Variants in LIMCH1 observed in about 807,000 individuals in gnomAD.
The protein encoded by LIMCH1 is LIM and calponin homology domains-containing protein 1.
Under a neutral mutation model 176.5 loss-of-function variants are expected in LIMCH1, and 113 were observed. That is an observed-to-expected ratio of 0.64 (90% CI 0.55 to 0.75). The LOEUF is 0.75. LIMCH1 is among the 30% of genes least tolerant of loss of function. The pLI, the probability that LIMCH1 is intolerant of heterozygous loss-of-function variation, is 0.00. For synonymous variants in LIMCH1, 619 were observed against 645.9 expected (o/e 0.96, Z 0.63); for missense variants, 1,674 against 1,814.9 (o/e 0.92, Z 1.41).
At chr4:41,515,933 C>T (rs994273346) in intron 2 of LIMCH1, among the ~76,000 whole-genome samples, 2 of 152,168 alleles carry the variant, frequency 1.3e-5, no homozygotes, top group African/African-American at 4.8e-5. Flanking sequence ...GATAGCAAAC[C>T]CAGCAATAAC....
At chr4:41,606,456 T>G (rs1475321838) in intron 4 of LIMCH1, among the ~76,000 whole-genome samples, 1 of 152,232 alleles carries the variant, frequency 6.6e-6, no homozygotes, top group East Asian at 1.9e-4. Flanking sequence ...TACCTTGGCA[T>G]ACGCTCTGGA....
chr4:41,584,175 C>A (rs2086034071), intron 1 of LIMCH1, among the ~76,000 whole-genome samples: 1 of 152,158 alleles, frequency 6.6e-6, no homozygotes, highest in South Asian at 2.1e-4. Flanking sequence ...TAACCTGCAG[C>A]CCTATAGAGA....
chr4:41,646,786 G>A lies in LIMCH1; in HGVS notation c.2713G>A (p.Gly905Ser). 1.2e-6 allele frequency: 2 copies of A among 1,614,158 alleles called. No individual in the cohort carries two copies. The highest frequency in any genetic ancestry group is 1.7e-6 in the Non-Finnish European group (2 of 1,180,030). ...TGTTCTGGATACCAGCATGTCAGCA[G>A]GCAGTGGGTCTCCAAGCAAAACTGT... Reference protein sequence around the residue: ...ASVLDTSMSAGSGSPSKTVTP... With the variant: ...ASVLDTSMSASSGSPSKTVTP... Residue 905 changes from glycine (G) to serine (S), a missense_variant, in exon 17 of 32, where the codon GGC becomes AGC. Physicochemically the swap from Gly to Ser is moderately conservative, Grantham distance 56. This residue lies in a region of LIMCH1 where 1,015 missense variants were observed against 1,102.5 expected (regional missense o/e 0.92). Coordinates refer to ENST00000503057, the MANE Select transcript of LIMCH1 (RefSeq NM_001330672.2).
intron 1 of LIMCH1, among the ~76,000 whole-genome samples, chr4:41,585,795 T>C (rs2086337550): frequency 6.6e-6 from 1 of 152,202 alleles, no homozygotes; most frequent in Non-Finnish European, 1.5e-5. Flanking sequence ...TTGTTTAACT[T>C]CCAACTCATC....
rs4610371 is a variant in LIMCH1, at chr4:41,433,619, T to C, written c.97-60917T>C. Among the ~76,000 whole-genome samples the C allele has an allele frequency of 6.3e-3, 958 of 152,224 alleles. 17 individuals are homozygous for C. The highest frequency in any genetic ancestry group is 0.022 in the African/African-American group (912 of 41,512). ...TCATAGCATGGTGGTTTCAGGGTAG[T>C]TGGACTTCCTCAGGTAGCTGGCCTT... On this transcript the variant is annotated intron_variant, in intron 1 of 26. Coordinates refer to the LIMCH1 transcript ENST00000313860.
chr4:41,500,888 G>A (rs1366028930), intron 2 of LIMCH1, among the ~76,000 whole-genome samples: 3 of 152,260 alleles, frequency 2.0e-5, no homozygotes, highest in South Asian at 2.1e-4. Context: ...GGATGGAGGG[G>A]TTTCAGTTTT....
chr4:41,452,148 GT>G (rs2063965703), intron 1 of LIMCH1, among the ~76,000 whole-genome samples: 1 of 152,184 alleles, frequency 6.6e-6, no homozygotes, highest in African/African-American at 2.4e-5. Context: ...GCAAAAGCAT[GT>G]TTTTGCTACT....
chr4:41,455,845 A>C (rs2064525098), intron 1 of LIMCH1, among the ~76,000 whole-genome samples: 1 of 152,212 alleles, frequency 6.6e-6, no homozygotes, highest in African/African-American at 2.4e-5. Flanking sequence ...TGTTAAAGAA[A>C]GACTCTTCGA....
intron 1 of LIMCH1, among the ~76,000 whole-genome samples, chr4:41,391,349 A>G (rs1237063236): frequency 6.6e-6 from 1 of 152,138 alleles, no homozygotes; most frequent in East Asian, 1.9e-4. Flanking sequence ...GATTTTATAT[A>G]CCTTCTATTT....
At chr4:41,661,843 C>T (rs2094634310) in intron 19 of LIMCH1, 2 of 380,826 alleles carry the variant, frequency 5.3e-6, no homozygotes, top group Non-Finnish European at 9.7e-6. Context: ...ACAGTAACAG[C>T]AATAGATAAG....
chr4:41,664,965 A>G (rs2094772350), intron 20 of LIMCH1, among the ~76,000 whole-genome samples: 1 of 152,210 alleles, frequency 6.6e-6, no homozygotes, highest in Non-Finnish European at 1.5e-5. Context: ...AAATATATAT[A>G]TAGCCCCTGA....
intron 1 of LIMCH1, chr4:41,453,776 A>T (rs887784420): frequency 6.6e-6 from 1 of 152,228 alleles, no homozygotes; most frequent in Non-Finnish European, 1.5e-5. Context: ...CTCTTCCTAC[A>T]TTAAAGGTAT....
chr4:41,429,705 G>A, intron 1 of LIMCH1, among the ~76,000 whole-genome samples: 1 of 152,184 alleles, frequency 6.6e-6, no homozygotes, highest in East Asian at 1.9e-4. Flanking sequence ...CAGACAGGAT[G>A]TGTTAGATGA....
rs149658944 is a variant in LIMCH1, at chr4:41,672,990, T to C, written c.3438+1396T>C. 2.3e-4 allele frequency among the ~76,000 whole-genome samples: 35 copies of C among 152,332 alleles called. No individual in the cohort carries two copies. The East Asian group carries it at 4.0e-3, about 18-fold the overall frequency. On this transcript the variant is annotated intron_variant, in intron 22 of 31. Transcript: ENST00000503057. ...GAAGCCCCTAGCACAGTGGCTGATA[T>C]GTAAATAAATCCTCCCCCTCTCCCA...
intron 1 of LIMCH1, among the ~76,000 whole-genome samples, chr4:41,371,088 G>A (rs1178755689): frequency 2.6e-5 from 4 of 152,144 alleles, no homozygotes; most frequent in African/African-American, 7.2e-5. Context: ...CCTTTGCAGA[G>A]TTAGTATTTG....
chr4:41,439,530 G>A (rs1302782273), intron 1 of LIMCH1, among the ~76,000 whole-genome samples: 1 of 152,106 alleles, frequency 6.6e-6, no homozygotes, highest in African/African-American at 2.4e-5. Flanking sequence ...GCTGCAGTGA[G>A]TTGTGATTGT....
chr4:41,664,114 CA>C (rs2094735590), intron 20 of LIMCH1, among the ~76,000 whole-genome samples: 1 of 152,120 alleles, frequency 6.6e-6, no homozygotes. Flanking sequence ...AGAGCCCAGG[CA>C]TCTGTATTTT....
At chr4:41,397,648 T>C (rs2057944485) in intron 1 of LIMCH1, among the ~76,000 whole-genome samples, 1 of 151,828 alleles carries the variant, frequency 6.6e-6, no homozygotes, top group Admixed American at 6.6e-5. Flanking sequence ...ATAAAAGAAG[T>C]ACAGATACAG....
chr4:41,633,440 C>T, intron 12 of LIMCH1, 108 bp from the exon 13 acceptor site: 2 of 1,353,740 alleles, frequency 1.5e-6, no homozygotes, highest in Non-Finnish European at 2.0e-6. Flanking sequence ...CCGCTGCCTC[C>T]AGGGATGCTG....
Sources: allele counts gnomAD v4.1 joint callset (sites outside exome capture counted in the v4.1 genomes callset), GRCh38; gene constraint gnomAD v4.1.1; regional missense constraint gnomAD v4.1.1; transcripts MANE v1.5; gene names NCBI Gene and HGNC (gene_info 2026-07-23, HGNC 2026-07-21).